TENM3: variants seen among roughly 807,000 people sequenced by gnomAD.
TENM3 encodes teneurin transmembrane protein 3.
A neutral mutation model predicts 255.1 loss-of-function variants in TENM3; 63 were observed. The ratio of observed to expected loss-of-function variants is 0.25; its 90% CI spans 0.20 to 0.30. The LOEUF (loss-of-function observed/expected upper bound fraction) is 0.30. Ranked by LOEUF, TENM3 falls within the 10% of genes least tolerant of loss-of-function variation. The pLI is 1.00. For missense variants in TENM3, 2,929 were observed against 3,461.1 expected (o/e 0.85, Z 3.86); for synonymous variants, 1,306 against 1,322.3 (o/e 0.99, Z 0.27).
At chr4:182,118,645 T>C in the TENM3 span, among the ~76,000 whole-genome samples, 7 of 152,024 alleles carry the variant, frequency 4.6e-5, no homozygotes, top group African/African-American at 1.7e-4. Context: ...CTGTTCCTAG[T>C]TTACTGAGAG....
the TENM3 span, among the ~76,000 whole-genome samples, chr4:181,910,185 T>A: frequency 6.6e-6 from 1 of 152,228 alleles, no homozygotes; most frequent in African/African-American, 2.4e-5. Context: ...ATATATATAG[T>A]AGCCTATGTG....
At chr4:181,961,900 A>C in the TENM3 span, among the ~76,000 whole-genome samples, 1 of 152,244 alleles carries the variant, frequency 6.6e-6, no homozygotes, top group African/African-American at 2.4e-5. Context: ...CAAACTACTA[A>C]TTTGTTTTAG....
intron 3 of TENM3, among the ~76,000 whole-genome samples, chr4:182,375,696 C>G (rs1767137030): frequency 6.6e-6 from 1 of 152,100 alleles, no homozygotes; most frequent in Non-Finnish European, 1.5e-5. Flanking sequence ...CACAGGCCAC[C>G]ACACCTGGCT....
At chr4:182,151,474 G>A (rs1750350875) in intron 1 of TENM3, among the ~76,000 whole-genome samples, 1 of 152,060 alleles carries the variant, frequency 6.6e-6, no homozygotes, top group African/African-American at 2.4e-5. Flanking sequence ...AAATTGGCAA[G>A]TGACTGGTTC....
chr4:182,276,973 A>T (rs1760044694), intron 1 of TENM3, among the ~76,000 whole-genome samples: 1 of 152,240 alleles, frequency 6.6e-6, no homozygotes, highest in African/African-American at 2.4e-5. Context: ...ACTTTCATTA[A>T]TATGAAGGAT....
chr4:182,528,945 G>A (rs1739500408), intron 3 of TENM3, among the ~76,000 whole-genome samples: 2 of 152,248 alleles, frequency 1.3e-5, no homozygotes, highest in African/African-American at 4.8e-5. Context: ...TACTTTGATT[G>A]TAGAAGTTCA....
chr4:181,605,514 GA>G, the TENM3 span, among the ~76,000 whole-genome samples: 6 of 17,580 alleles, frequency 3.4e-4, no homozygotes, highest in South Asian at 0.013. Flanking sequence ...AAGAAAGAAA[GA>G]AAGAAAGAAA....
At chr4:181,861,411 G>T in the TENM3 span, among the ~76,000 whole-genome samples, 1 of 152,246 alleles carries the variant, frequency 6.6e-6, no homozygotes, top group African/African-American at 2.4e-5. Context: ...TTTAACAGAT[G>T]TAAAATACAT....
At chr4:182,689,212 G>A (rs1164978891) in intron 12 of TENM3, among the ~76,000 whole-genome samples, 11 of 152,152 alleles carry the variant, frequency 7.2e-5, no homozygotes, top group Admixed American at 5.2e-4. Context: ...TTCAGAATTT[G>A]TGGTATAGTA....
chr4:181,862,585 G>A, the TENM3 span, among the ~76,000 whole-genome samples: 8 of 152,030 alleles, frequency 5.3e-5, no homozygotes, highest in Non-Finnish European at 1.0e-4. Flanking sequence ...CAAAAAGGGA[G>A]CAAAACAAAA....
chr4:182,266,212 A>G (rs543921900), intron 1 of TENM3, among the ~76,000 whole-genome samples: 81 of 152,382 alleles, frequency 5.3e-4, no homozygotes, highest in African/African-American at 1.9e-3. Flanking sequence ...AGTTAACATT[A>G]TAACATGTAA....
chr4:181,880,462 CAT>C, the TENM3 span, among the ~76,000 whole-genome samples: 4 of 151,878 alleles, frequency 2.6e-5, no homozygotes, highest in African/African-American at 4.8e-5. Flanking sequence ...TTAAAAAAGA[CAT>C]AGAGGAATTA....
At chr4:181,750,477 A>G in the TENM3 span, among the ~76,000 whole-genome samples, 1 of 152,276 alleles carries the variant, frequency 6.6e-6, no homozygotes, top group East Asian at 1.9e-4. Flanking sequence ...TGAACTAGGC[A>G]GAGTTAACTT....
the TENM3 span, among the ~76,000 whole-genome samples, chr4:181,890,641 C>G: frequency 3.4e-4 from 52 of 151,856 alleles, no homozygotes; most frequent in East Asian, 9.1e-3. Context: ...TGCCCCCACT[C>G]TATTATTAGA....
chr4:182,015,330 C>G, the TENM3 span, among the ~76,000 whole-genome samples: 1 of 152,152 alleles, frequency 6.6e-6, no homozygotes, highest in African/African-American at 2.4e-5. Flanking sequence ...TACAGCTCCT[C>G]CAATCGCCTT....
the TENM3 span, chr4:181,980,340 G>A: frequency 2.0e-4 from 31 of 152,214 alleles, no homozygotes; most frequent in African/African-American, 5.8e-4. Context: ...CCATATCACC[G>A]GGGAAGTTGT....
the TENM3 span, among the ~76,000 whole-genome samples, chr4:182,031,863 T>C: frequency 6.6e-6 from 1 of 152,204 alleles, no homozygotes; most frequent in Non-Finnish European, 1.5e-5. Flanking sequence ...TGTATATTGC[T>C]GATGTGTAGG....
the TENM3 span, among the ~76,000 whole-genome samples, chr4:181,645,200 T>C: frequency 6.6e-6 from 1 of 152,184 alleles, no homozygotes; most frequent in Non-Finnish European, 1.5e-5. Context: ...AGGGAGAGGA[T>C]GTTAGAAGCT....
intron 1 of TENM3, among the ~76,000 whole-genome samples, chr4:182,231,713 A>G (rs977393184): frequency 5.9e-5 from 9 of 152,156 alleles, no homozygotes; most frequent in Non-Finnish European, 1.2e-4. Flanking sequence ...ACTGCCAACA[A>G]CATCATGCTC....
Sources: allele counts gnomAD v4.1 joint callset (sites outside exome capture counted in the v4.1 genomes callset), GRCh38; gene constraint gnomAD v4.1.1; transcripts MANE v1.5; gene names NCBI Gene and HGNC (gene_info 2026-07-23, HGNC 2026-07-21).